Variants in LUC7L observed in about 807,000 individuals in gnomAD.
The protein encoded by LUC7L is putative RNA-binding protein Luc7-like 1.
LUC7L carries 29 observed loss-of-function variants against 51.1 expected under a neutral mutation model. The observed-to-expected ratio is 0.57, with a 90% CI of 0.42 to 0.77. The LOEUF (loss-of-function observed/expected upper bound fraction) is 0.77, where lower values mean the gene tolerates loss of function less well. Ranked by LOEUF, LUC7L falls within the 30% of genes least tolerant of loss-of-function variation. LUC7L has a pLI of 0.00. For missense variants in LUC7L, 403 were observed against 511.9 expected, an observed-to-expected ratio of 0.79 and a Z score of 2.05; for synonymous variants, 181 against 180.7, an observed-to-expected ratio of 1.00 and a Z score of -0.01.
At chr16:220,847 A>G (rs1380268577) in intron 2 of LUC7L, 100 bp from the exon 3 acceptor site, 1 of 732,226 alleles carries the variant, frequency 1.4e-6, no homozygotes, top group Non-Finnish European at 2.4e-6. Context: ...AGAAATGATC[A>G]CTTTTGGAAC....
chr16:217,968 T>A (rs1486742770), intron 3 of LUC7L, among the ~76,000 whole-genome samples: 3 of 147,334 alleles, frequency 2.0e-5, no homozygotes, highest in Non-Finnish European at 4.5e-5. Context: ...GAGGTTGCAG[T>A]GAGCCGAGAT....
chr16:228,299 TG>T, intron 1 of LUC7L: 1 of 1,303,372 alleles, frequency 7.7e-7, no homozygotes, highest in Non-Finnish European at 1.0e-6. Flanking sequence ...AACACTTTTT[TG>T]TTATAACAGC....
chr16:212,223 G>C (rs1388690987), intron 3 of LUC7L, among the ~76,000 whole-genome samples: 1 of 152,174 alleles, frequency 6.6e-6, no homozygotes, highest in Non-Finnish European at 1.5e-5. Flanking sequence ...AACTCGGGAG[G>C]CGGAGGTTGC....
intron 3 of LUC7L, among the ~76,000 whole-genome samples, chr16:218,634 T>C (rs905191175): frequency 5.9e-5 from 9 of 151,776 alleles, no homozygotes; most frequent in East Asian, 1.9e-4. Context: ...GGCAGGAGAA[T>C]TGCTTAAACC....
At chr16:208,301 C>T in intron 3 of LUC7L, 113 bp from the exon 4 acceptor site, 1 of 719,548 alleles carries the variant, frequency 1.4e-6, no homozygotes, top group Non-Finnish European at 2.3e-6. Context: ...AAAGCCTGTA[C>T]ATTCAAGGGA....
At chr16:220,926 G>GT (rs1160069090) in intron 2 of LUC7L, among the ~76,000 whole-genome samples, 179 bp from the exon 3 acceptor site, 2 of 152,166 alleles carry the variant, frequency 1.3e-5, no homozygotes, top group African/African-American at 2.4e-5. Context: ...TTTTACCATC[G>GT]TGACTACGTG....
At chr16:191,979 C>T (rs78341830) in intron 7 of LUC7L, among the ~76,000 whole-genome samples, 1,997 of 152,214 alleles carry the variant, frequency 0.013, 41 homozygotes, top group African/African-American at 0.045. Flanking sequence ...CCTCTTTGAA[C>T]TCCAAACAGA....
chr16:228,710 G>A (rs1034744794), intron 1 of LUC7L: 1 of 1,213,106 alleles, frequency 8.2e-7, no homozygotes, highest in Non-Finnish European at 1.1e-6. Flanking sequence ...CCTAACGACT[G>A]TCAAGCGCTG....
At chr16:200,835 C>T (rs549356866) in intron 5 of LUC7L, among the ~76,000 whole-genome samples, 1 of 152,144 alleles carries the variant, frequency 6.6e-6, no homozygotes, top group South Asian at 2.1e-4. Flanking sequence ...TGACCTGTGA[C>T]TGCGCCACTG....
intron 5 of LUC7L, among the ~76,000 whole-genome samples, chr16:200,577 GA>G (rs952567652): frequency 3.0e-4 from 43 of 144,214 alleles, no homozygotes; most frequent in East Asian, 8.0e-4. Flanking sequence ...CTCCAAAAAG[GA>G]AAAAAAAAAA....
chr16:198,570 A>C (rs948425773), intron 6 of LUC7L, among the ~76,000 whole-genome samples: 13 of 152,190 alleles, frequency 8.5e-5, no homozygotes, highest in Non-Finnish European at 1.9e-4. Flanking sequence ...ACAGGGTCCA[A>C]AATAAATCTC....
At chr16:228,151 A>G (rs1311883676) in intron 1 of LUC7L, 2 of 1,199,048 alleles carry the variant, frequency 1.7e-6, no homozygotes, top group Non-Finnish European at 2.1e-6. Context: ...TAGTCTGTGT[A>G]TACAACACAG....
rs556294849 is a variant in LUC7L at position 222,381 on chromosome 16, A to C, written c.157-1634T>G. 5.3e-5 allele frequency among the ~76,000 whole-genome samples: 8 copies of C among 151,406 alleles called. No homozygotes were observed. The East Asian group carries it at 1.6e-3, about 29-fold the overall frequency. On this transcript the variant is annotated intron_variant, in intron 2 of 9. Coordinates refer to ENST00000293872, the MANE Select transcript of LUC7L (RefSeq NM_201412.3). ...ACCAGTTGCAGTGGCACATGTCTGTAATCCCAACACCTTTGGGAGGGCAAG... is the reference window on the plus strand; with the variant it reads ...ACCAGTTGCAGTGGCACATGTCTGTCATCCCAACACCTTTGGGAGGGCAAG...
chr16:219,148 T>C (rs1042481093), intron 3 of LUC7L, among the ~76,000 whole-genome samples: 5 of 151,374 alleles, frequency 3.3e-5, no homozygotes, highest in Admixed American at 6.6e-5. Context: ...CCCAGCACTT[T>C]GGGAGGCCGA....
intron 6 of LUC7L, among the ~76,000 whole-genome samples, chr16:197,121 T>A (rs905887023): frequency 2.0e-5 from 3 of 150,820 alleles, no homozygotes; most frequent in Admixed American, 6.6e-5. Flanking sequence ...TTAGCCAGGA[T>A]GGTCTCAATC....
chr16:199,872 C>A (rs2049272369), intron 5 of LUC7L, among the ~76,000 whole-genome samples: 2 of 151,720 alleles, frequency 1.3e-5, no homozygotes, highest in Admixed American at 1.3e-4. Context: ...TGCCTGTAGT[C>A]CCAGCTACTC....
chr16:189,660 A>G, intron 9 of LUC7L: 1 of 1,325,456 alleles, frequency 7.5e-7, no homozygotes, highest in Non-Finnish European at 9.6e-7. Context: ...AACAAAAACC[A>G]AAACAGAGGT....
chr16:200,213 G>A (rs2049283621), intron 5 of LUC7L, among the ~76,000 whole-genome samples: 1 of 151,964 alleles, frequency 6.6e-6, no homozygotes, highest in Non-Finnish European at 1.5e-5. Context: ...ATGGGGTCAG[G>A]AGATCACGAC....
At chr16:225,230 G>A (rs1416912325) in intron 2 of LUC7L, among the ~76,000 whole-genome samples, 2 of 152,048 alleles carry the variant, frequency 1.3e-5, no homozygotes, top group African/African-American at 4.8e-5. Flanking sequence ...TCTCATGCCT[G>A]TAATCTCAGC....
Sources: gnomAD v4.1 joint callset for allele counts (sites outside exome capture counted in the v4.1 genomes callset) on GRCh38, gnomAD v4.1.1 for gene constraint, MANE v1.5 for transcripts, NCBI Gene and HGNC (gene_info 2026-07-23, HGNC 2026-07-21) for gene names.